Variants in FARP1 observed in about 807,000 individuals in gnomAD.
FARP1 encodes FERM, ARHGEF and pleckstrin domain-containing protein 1.
Under a neutral mutation model 128.8 loss-of-function variants are expected in FARP1, and 52 were observed. The observed-to-expected ratio is 0.40, with a 90% CI of 0.32 to 0.51. The LOEUF (loss-of-function observed/expected upper bound fraction) is 0.51. FARP1 is among the 20% of genes least tolerant of loss of function. The probability of loss-of-function intolerance (pLI) is 0.45; values close to 1 mark genes in which losing one functional copy is unlikely to be tolerated. For missense variants in FARP1, 1,333 were observed against 1,367.9 expected (o/e 0.97, Z 0.40); for synonymous variants, 580 against 551.8 (o/e 1.05, Z -0.72).
chr13:98,395,240 C>A lies in FARP1; in HGVS notation c.1178C>A (p.Thr393Asn), dbSNP rs1890475320. 6.3e-7 allele frequency: 1 copy of A among 1,599,136 alleles called. No individual in the cohort carries two copies. The highest frequency in any genetic ancestry group is 1.7e-5 in the Admixed American group (1 of 59,666). Residue 393 changes from threonine to asparagine, a missense_variant, in exon 13 of 27, where the codon ACC (threonine) becomes AAC (asparagine). Coordinates refer to ENST00000319562, the MANE Select transcript of FARP1 (RefSeq NM_005766.4). The part of the protein sequence containing the change: ...SEVLEQSQQS[T>N]SLTFGEGAES... ...CACCCCACCCAGTCTCAGCAGAGCACCAGCCTTACATTTGGAGAAGGTGCC... is the reference window on the plus strand; with the variant it reads ...CACCCCACCCAGTCTCAGCAGAGCAACAGCCTTACATTTGGAGAAGGTGCC...
chr13:98,448,508 C>G lies in FARP1; in HGVS notation c.*191C>G, dbSNP rs542620507. On this transcript the variant is annotated 3_prime_UTR_variant, in exon 27 of 27. Coordinates refer to ENST00000319562, the MANE Select transcript of FARP1 (RefSeq NM_005766.4). ...GCGTCTGAATGAACAGCGCTCCCAC[C>G]TCCAGTCCTGGCATCCGCTGGGGGC... 1.7e-6 allele frequency: 1 copy of G among 585,724 alleles called. No individual in the cohort carries two copies. Among genetic ancestry groups the G allele is most frequent in the African/African-American group, 1.9e-5 (1 of 53,556 alleles). 36.3% of individuals were successfully genotyped at this position (585,724 alleles called of 1,614,324 possible).
At chr13:98,222,137 G>A (rs1881449351) in intron 2 of FARP1, among the ~76,000 whole-genome samples, 1 of 152,142 alleles carries the variant, frequency 6.6e-6, no homozygotes, top group East Asian at 1.9e-4. Context: ...AGCCTCATAG[G>A]TCTCTGTTTC....
intron 6 of FARP1, among the ~76,000 whole-genome samples, chr13:98,379,622 A>G (rs541721205): frequency 1.3e-5 from 2 of 152,314 alleles, no homozygotes; most frequent in South Asian, 4.1e-4. Context: ...CAAGGACACC[A>G]AAAACTGAGG....
intron 13 of FARP1, among the ~76,000 whole-genome samples, chr13:98,408,906 G>A (rs576621695): frequency 6.6e-6 from 1 of 152,336 alleles, no homozygotes; most frequent in South Asian, 2.1e-4. Context: ...GGGACGTAGT[G>A]TGTCCTAAGT....
At position 98,446,184 on chromosome 13, in the gene FARP1, GTTC is replaced by G. The variant is rs1390774650; in HGVS notation, c.2888_2890del (p.Phe963del). 4.3e-6 allele frequency: 7 copies of G among 1,612,994 alleles called. No homozygotes were observed. The highest frequency in any genetic ancestry group is 1.7e-5 in the Admixed American group (1 of 59,978). On this transcript the variant is annotated inframe_deletion, in exon 25 of 27. Coordinates refer to ENST00000319562, the MANE Select transcript of FARP1 (RefSeq NM_005766.4). ...GGGTGGTGTTCACAAACTTCTGCCT[GTTC>G]TTCTACAAATCACACCAGGTAAGTG...
intron 19 of FARP1, chr13:98,436,064 A>T (rs1030460119): frequency 1.5e-5 from 5 of 325,056 alleles, no homozygotes; most frequent in African/African-American, 1.1e-4. Context: ...ATAGTAATAA[A>T]GCCAGAAAGG....
chr13:98,178,188 AAT>A (rs1491465558), intron 1 of FARP1, among the ~76,000 whole-genome samples: 3 of 116,752 alleles, frequency 2.6e-5, no homozygotes, highest in East Asian at 2.8e-4. Flanking sequence ...AATCATTTTT[AAT>A]TTTTTTTTTT....
chr13:98,214,864 C>T (rs945331193), intron 2 of FARP1, among the ~76,000 whole-genome samples: 9 of 152,184 alleles, frequency 5.9e-5, no homozygotes, highest in South Asian at 2.1e-4. Flanking sequence ...TCCTGGCACA[C>T]GTGGTCCGTA....
chr13:98,193,060 C>CT (rs749551572), intron 1 of FARP1, among the ~76,000 whole-genome samples: 13,960 of 142,476 alleles, frequency 0.098, 815 homozygotes, highest in South Asian at 0.22. Context: ...CCAGACTGTT[C>CT]TTTTTTTTTT....
intron 3 of FARP1, 55 bp downstream of exon 3, chr13:98,343,921 G>A (rs1406350462): frequency 8.9e-7 from 1 of 1,129,664 alleles, no homozygotes; most frequent in East Asian, 2.3e-5. Context: ...CTTGGTGGGG[G>A]GCTGGGCAGG....
chr13:98,218,809 C>T (rs535429219), intron 2 of FARP1, among the ~76,000 whole-genome samples: 5 of 152,182 alleles, frequency 3.3e-5, no homozygotes, highest in Non-Finnish European at 5.9e-5. Flanking sequence ...AAATGGAAGA[C>T]GGAAAGAAAT....
chr13:98,365,571 C>G, intron 4 of FARP1, 134 bp downstream of exon 4: 1 of 563,358 alleles, frequency 1.8e-6, no homozygotes, highest in South Asian at 3.2e-5. Flanking sequence ...TTTTCATCAT[C>G]GACTAATCCG....
At chr13:98,365,571 C>A in intron 4 of FARP1, 134 bp downstream of exon 4, 1 of 563,358 alleles carries the variant, frequency 1.8e-6, no homozygotes, top group Non-Finnish European at 3.2e-6. Context: ...TTTTCATCAT[C>A]GACTAATCCG....
At chr13:98,439,557 G>A (rs527300217) in intron 21 of FARP1, among the ~76,000 whole-genome samples, 5 of 152,230 alleles carry the variant, frequency 3.3e-5, no homozygotes, top group South Asian at 4.1e-4. Context: ...GACAGTCCTC[G>A]CCACACACAA....
chr13:98,395,317 G>T lies in FARP1; in HGVS notation c.1255G>T (p.Ala419Ser). Residue 419 changes from alanine (A) to serine (S), a missense_variant, in exon 13 of 27, where the codon GCC (alanine) becomes TCC (serine). Transcript: ENST00000319562. ...GCGAGGAAAGGAACCGAAGGTTTCC[G>T]CCGGGGAGCCGGGGTCGCACCCGAG... is the stretch of plus-strand genomic sequence containing the variant. ...CRRGKEPKVS[A>S]GEPGSHPSPA... 1 of 1,610,182 alleles carries T rather than the reference G, an allele frequency of 6.2e-7. No homozygotes were observed. The highest frequency in any genetic ancestry group is 8.5e-7 in the Non-Finnish European group (1 of 1,177,596).
intron 4 of FARP1, 58 bp from the exon 5 acceptor site, chr13:98,368,059 A>C: frequency 1.5e-6 from 2 of 1,347,900 alleles, no homozygotes; most frequent in South Asian, 1.2e-5. Flanking sequence ...CTTTTTCTTT[A>C]ATGGCATTTG....
intron 2 of FARP1, among the ~76,000 whole-genome samples, chr13:98,276,024 T>A (rs1163977841): frequency 6.6e-6 from 1 of 152,196 alleles, no homozygotes; most frequent in Non-Finnish European, 1.5e-5. Flanking sequence ...CCCTTCTTCC[T>A]TTTTCTGAGG....
intron 1 of FARP1, among the ~76,000 whole-genome samples, chr13:98,192,127 T>A (rs1037104077): frequency 6.6e-6 from 1 of 152,124 alleles, no homozygotes; most frequent in Non-Finnish European, 1.5e-5. Context: ...ACAAATTGAG[T>A]CCTCTGCATT....
intron 2 of FARP1, among the ~76,000 whole-genome samples, chr13:98,317,056 GAC>G (rs1886751556): frequency 6.6e-6 from 1 of 152,132 alleles, no homozygotes; most frequent in African/African-American, 2.4e-5. Context: ...TCAGCACACA[GAC>G]ACACACAGCC....
Sources: gnomAD v4.1 joint callset for allele counts (sites outside exome capture counted in the v4.1 genomes callset) on GRCh38, gnomAD v4.1.1 for gene constraint, MANE v1.5 for transcripts, NCBI Gene and HGNC (gene_info 2026-07-23, HGNC 2026-07-21) for gene names.